The following SIDT1 variants were observed in gnomAD, a reference collection of about 807,000 sequenced individuals.
The protein encoded by SIDT1 is SID1 transmembrane family, member 1.
SIDT1 carries 101 observed loss-of-function variants against 107.5 expected under a neutral mutation model. That is an observed-to-expected ratio of 0.94 (90% confidence interval 0.80 to 1.11). SIDT1 has a LOEUF of 1.11. SIDT1 is among the 50% of genes least tolerant of loss of function. The pLI is 0.00. For missense variants in SIDT1, 1,076 were observed against 1,058.2 expected, an observed-to-expected ratio of 1.02 and a Z score of -0.23; for synonymous variants, 395 against 398.2, an observed-to-expected ratio of 0.99 and a Z score of 0.10.
In SIDT1 at chr3:113,603,078, C is replaced by G. The variant is rs535217381; in HGVS notation, c.1191C>G (p.Asp397Glu). 8.1e-6 allele frequency: 13 copies of G among 1,614,112 alleles called. No individual in the cohort carries two copies. In the African/African-American group the frequency reaches 1.1e-4, roughly 13 times the overall value. ...DGGPPGQSDT[D>E]SSVEESDFDT... ...GGCCACCGGGCCAGTCAGACACAGA[C>G]AGCTCCGTGGAGGAGAGCGACTTCG... is the stretch of plus-strand genomic sequence containing the variant. Residue 397 changes from aspartate (D) to glutamate (E), a missense_variant, in exon 12 of 25, where the codon GAC becomes GAG. Physicochemically the swap from Asp to Glu is conservative, Grantham distance 45. Coordinates refer to ENST00000264852, the MANE Select transcript of SIDT1 (RefSeq NM_017699.3).
intron 14 of SIDT1, among the ~76,000 whole-genome samples, chr3:113,605,832 T>C (rs1422376417): frequency 1.3e-5 from 2 of 151,924 alleles, no homozygotes; most frequent in Non-Finnish European, 2.9e-5. Flanking sequence ...GGCGAAACCC[T>C]GACTCTACCA....
intron 1 of SIDT1, among the ~76,000 whole-genome samples, chr3:113,535,884 C>CAA (rs1256302624): frequency 9.5e-4 from 144 of 152,322 alleles, no homozygotes; most frequent in African/African-American, 3.3e-3. Context: ...TTTTCTTGAT[C>CAA]TGTCTGTCCA....
chr3:113,580,595 T>G lies in SIDT1; in HGVS notation c.562-13T>G. ...GTAAATATAAATCATGTCTTTCTTT[T>G]TCTTATTCTCAGTATTTTCTATACA... On this transcript the variant is annotated splice_polypyrimidine_tract_variant and intron_variant, in intron 4 of 24. Transcript: ENST00000264852. The G allele has an allele frequency of 6.7e-7, 1 of 1,502,012 alleles. No homozygotes were observed. The highest frequency in any genetic ancestry group is 1.1e-5 in the South Asian group (1 of 88,762). The allele number at this position is 1,502,012 out of a possible 1,614,324, so 93.0% of individuals were successfully genotyped here.
At chr3:113,614,186 C>T (rs991483983) in intron 19 of SIDT1, among the ~76,000 whole-genome samples, 2 of 152,160 alleles carry the variant, frequency 1.3e-5, no homozygotes, top group Non-Finnish European at 2.9e-5. Context: ...ACAGGGAGGA[C>T]GCCGGCAAAA....
intron 1 of SIDT1, among the ~76,000 whole-genome samples, chr3:113,544,944 G>A (rs1252534252): frequency 2.6e-5 from 4 of 151,826 alleles, no homozygotes; most frequent in East Asian, 3.9e-4. Context: ...GCAAAACCCC[G>A]TCTCTACTAA....
Position 113,585,203 on chromosome 3 carries a change from T to G in SIDT1, c.934T>G (p.Phe312Val). ...ATCTGTTTATGTGAAATCCAGTCTT[T>G]TCAGTGTCTTCATCTTCCTGTCCTT... Reference protein sequence around the residue: ...KESVYVKSSLFSVFIFLSFYL... With the variant: ...KESVYVKSSLVSVFIFLSFYL... Residue 312 changes from phenylalanine (F) to valine (V), a missense_variant, in exon 9 of 25, where the codon TTC becomes GTC. Transcript: ENST00000264852. The G allele has an allele frequency of 6.2e-7, 1 of 1,613,726 alleles. No individual in the cohort carries two copies. The highest frequency in any genetic ancestry group is 1.1e-5 in the South Asian group (1 of 91,072).
At chr3:113,559,791 GT>G (rs1227388387) in intron 1 of SIDT1, among the ~76,000 whole-genome samples, 6 of 151,976 alleles carry the variant, frequency 3.9e-5, no homozygotes. Context: ...ATTGGTGGTG[GT>G]TTTTTTCTTA....
intron 1 of SIDT1, among the ~76,000 whole-genome samples, chr3:113,535,306 C>T (rs1318995192): frequency 1.3e-5 from 2 of 151,652 alleles, no homozygotes; most frequent in Non-Finnish European, 2.9e-5. Flanking sequence ...AAAAGAGAGG[C>T]TTATAAAAAA....
intron 20 of SIDT1, among the ~76,000 whole-genome samples, 189 bp from the exon 21 acceptor site, chr3:113,619,491 G>A (rs528172598): frequency 1.3e-5 from 2 of 152,336 alleles, no homozygotes; most frequent in African/African-American, 2.4e-5. Context: ...TCTATTTGCA[G>A]TTAAAAGCCT....
chr3:113,554,606 A>G (rs1940640391), intron 1 of SIDT1, among the ~76,000 whole-genome samples: 1 of 152,156 alleles, frequency 6.6e-6, no homozygotes, highest in South Asian at 2.1e-4. Context: ...CTCCCCAGCC[A>G]TGTGGAACCA....
At chr3:113,578,275 C>A (rs1353194082) in intron 4 of SIDT1, among the ~76,000 whole-genome samples, 1 of 151,722 alleles carries the variant, frequency 6.6e-6, no homozygotes, top group Admixed American at 6.6e-5. Context: ...ACCATCCTGG[C>A]TAACACGGTG....
intron 19 of SIDT1, among the ~76,000 whole-genome samples, chr3:113,613,978 TG>T (rs1293746086): frequency 1.3e-5 from 2 of 152,124 alleles, no homozygotes; most frequent in African/African-American, 4.8e-5. Context: ...ATTCACAAGA[TG>T]TGGATGGGGT....
At chr3:113,591,293 T>C (rs1367373581) in intron 9 of SIDT1, among the ~76,000 whole-genome samples, 1 of 152,232 alleles carries the variant, frequency 6.6e-6, no homozygotes, top group Non-Finnish European at 1.5e-5. Context: ...AAACTTGTAT[T>C]GTTTTAAACA....
Position 113,623,790 on chromosome 3 carries a change from G to T in SIDT1, c.2307+57G>T, listed in dbSNP as rs1946650379. The T allele has an allele frequency of 6.0e-6, 7 of 1,158,418 alleles. No individual in the cohort carries two copies. In the South Asian group the frequency reaches 7.3e-5, roughly 12 times the overall value. 71.8% of individuals were successfully genotyped at this position (1,158,418 alleles called of 1,614,324 possible). A position where few individuals can be genotyped will look rare whatever the true frequency, so the allele number is the denominator to read the frequency against. On this transcript the variant is annotated intron_variant, in intron 23 of 24. Coordinates refer to ENST00000264852, the MANE Select transcript of SIDT1 (RefSeq NM_017699.3). ...CCTCTCTCTCCAACTTGCCATTTTG[G>T]CCTTTCTACCTCCCTCTCTTAATGT...
chr3:113,627,993 C>T lies in SIDT1; in HGVS notation c.*285C>T, dbSNP rs1560154698. On this transcript the variant is annotated 3_prime_UTR_variant, in exon 25 of 25. Transcript: ENST00000264852. ...AGTGCAACAGGGATAGGCACTGCATCCAAGTCAACTCACCATCTTGGGGTC... is the reference window on the plus strand; with the variant it reads ...AGTGCAACAGGGATAGGCACTGCATTCAAGTCAACTCACCATCTTGGGGTC... 2.4e-6 allele frequency: 1 copy of T among 412,178 alleles called. No individual in the cohort carries two copies. The highest frequency in any genetic ancestry group is 4.0e-5 in the Admixed American group (1 of 24,746). 25.5% of individuals were successfully genotyped at this position (412,178 alleles called of 1,614,324 possible).
rs372158859 is a variant in SIDT1 at position 113,534,652 on chromosome 3, C to T, written c.222+1409C>T. Among the ~76,000 whole-genome samples, 305 of 152,274 alleles carry T rather than the reference C, an allele frequency of 2.0e-3. 3 individuals carry two copies. The highest frequency in any genetic ancestry group is 7.0e-3 in the African/African-American group (290 of 41,560). On this transcript the variant is annotated intron_variant, in intron 1 of 24. Transcript: ENST00000264852. ...GTTGCACGTGAGGTGTGTTCCTAGT[C>T]CTGTGATTGGCTGGGAGCAGAAAAA...
intron 10 of SIDT1, chr3:113,601,295 T>C (rs570168098): frequency 9.1e-4 from 230 of 253,312 alleles, no homozygotes; most frequent in Middle Eastern, 1.2e-3. Flanking sequence ...TATACATAAA[T>C]ACTGAAATTT....
intron 10 of SIDT1, among the ~76,000 whole-genome samples, chr3:113,596,039 C>T (rs1201837288): frequency 6.6e-6 from 1 of 152,204 alleles, no homozygotes; most frequent in Non-Finnish European, 1.5e-5. Context: ...CTCCCAAGGC[C>T]AGGATCAGCA....
intron 20 of SIDT1, among the ~76,000 whole-genome samples, chr3:113,616,476 A>G (rs1576971867): frequency 6.6e-6 from 1 of 152,256 alleles, no homozygotes; most frequent in East Asian, 1.9e-4. Context: ...AATAACACAC[A>G]CTGGGGCCTG....
Sources: gnomAD v4.1 joint callset for allele counts (sites outside exome capture counted in the v4.1 genomes callset) on GRCh38, gnomAD v4.1.1 for gene constraint, MANE v1.5 for transcripts, NCBI Gene and HGNC (gene_info 2026-07-23, HGNC 2026-07-21) for gene names.